PLA2G4A: variants seen among roughly 807,000 people sequenced by gnomAD.
PLA2G4A encodes phospholipase A2 group IVA, also known as cytosolic phospholipase A2.
In PLA2G4A, 40 loss-of-function variants were observed where a neutral mutation model predicts 81.9. The observed-to-expected ratio is 0.49, with a 90% confidence interval of 0.38 to 0.64. The LOEUF (loss-of-function observed/expected upper bound fraction) is 0.64, where lower values mean the gene tolerates loss of function less well. Among genes scored for constraint, PLA2G4A ranks in the 30% least tolerant of loss-of-function variants. The pLI, the probability that PLA2G4A is intolerant of heterozygous loss-of-function variation, is 0.00. For missense variants in PLA2G4A, 715 were observed against 905.1 expected, an observed-to-expected ratio of 0.79 and a Z score of 2.69; for synonymous variants, 302 against 296.9, an observed-to-expected ratio of 1.02 and a Z score of -0.18.
chr1:186,961,045 C>A (rs987028283), intron 14 of PLA2G4A, among the ~76,000 whole-genome samples: 1 of 152,022 alleles, frequency 6.6e-6, no homozygotes, highest in African/African-American at 2.4e-5. Flanking sequence ...TTTTTTGCAA[C>A]ATGGGTGAAC....
At chr1:186,868,331 G>T (rs143666975) in intron 2 of PLA2G4A, among the ~76,000 whole-genome samples, 1 of 152,064 alleles carries the variant, frequency 6.6e-6, no homozygotes, top group African/African-American at 2.4e-5. Context: ...GCCCGCTTCC[G>T]CCTCCCAAAG....
intron 5 of PLA2G4A, among the ~76,000 whole-genome samples, chr1:186,906,140 T>C (rs1654728678): frequency 6.6e-6 from 1 of 152,218 alleles, no homozygotes; most frequent in Admixed American, 6.5e-5. Context: ...CATTTACAAC[T>C]GTGTAGCAAC....
intron 1 of PLA2G4A, among the ~76,000 whole-genome samples, chr1:186,848,853 G>C (rs1016296743): frequency 6.6e-6 from 1 of 152,052 alleles, no homozygotes; most frequent in African/African-American, 2.4e-5. Context: ...TTAATATCAG[G>C]AGAGTCTCTA....
intron 1 of PLA2G4A, among the ~76,000 whole-genome samples, chr1:186,841,014 C>T (rs755715114): frequency 1.1e-4 from 16 of 152,314 alleles, no homozygotes; most frequent in Non-Finnish European, 1.8e-4. Flanking sequence ...ATATTTATAA[C>T]CTGTTAACAG....
intron 8 of PLA2G4A, among the ~76,000 whole-genome samples, chr1:186,937,364 T>G (rs1014659159): frequency 6.6e-6 from 1 of 151,974 alleles, no homozygotes; most frequent in African/African-American, 2.4e-5. Flanking sequence ...CTTTTTTGAT[T>G]TGGATGAATC....
At chr1:186,934,084 A>C (rs142504740) in intron 8 of PLA2G4A, among the ~76,000 whole-genome samples, 10 of 152,222 alleles carry the variant, frequency 6.6e-5, no homozygotes, top group Admixed American at 5.9e-4. Context: ...CCCTTGAAGG[A>C]AAGAGCAGGC....
At chr1:186,850,567 G>T (rs1286124578) in intron 1 of PLA2G4A, among the ~76,000 whole-genome samples, 3 of 152,108 alleles carry the variant, frequency 2.0e-5, no homozygotes, top group Non-Finnish European at 2.9e-5. Flanking sequence ...AGACTAGGTA[G>T]ATAGTAAAGA....
At chr1:186,923,368 TTC>T (rs773244493) in intron 7 of PLA2G4A, among the ~76,000 whole-genome samples, 13 of 152,246 alleles carry the variant, frequency 8.5e-5, no homozygotes, top group Non-Finnish European at 1.6e-4. Context: ...TACAACATTT[TTC>T]TTTTTGTCAC....
chr1:186,870,001 G>A (rs189822192), intron 2 of PLA2G4A, among the ~76,000 whole-genome samples: 78 of 152,318 alleles, frequency 5.1e-4, no homozygotes, highest in African/African-American at 1.8e-3. Context: ...TTTGAAAGCT[G>A]TACTGGAAAT....
At chr1:186,965,338 A>C in intron 14 of PLA2G4A, 71 bp from the exon 15 acceptor site, 4 of 1,206,892 alleles carry the variant, frequency 3.3e-6, no homozygotes, top group Non-Finnish European at 4.8e-6. Flanking sequence ...ATTTGAAACC[A>C]ACATTTTTAG....
At chr1:186,926,994 T>A (rs553284967) in intron 7 of PLA2G4A, among the ~76,000 whole-genome samples, 1 of 152,170 alleles carries the variant, frequency 6.6e-6, no homozygotes, top group Admixed American at 6.5e-5. Flanking sequence ...ATAGTTAAGG[T>A]TTTTTAAAGC....
chr1:186,980,219 G>A (rs1657677195), intron 17 of PLA2G4A, among the ~76,000 whole-genome samples: 1 of 152,168 alleles, frequency 6.6e-6, no homozygotes, highest in Non-Finnish European at 1.5e-5. Flanking sequence ...GATTACAGGC[G>A]TGAGCCACCG....
chr1:186,912,620 T>C (rs1490229761), intron 7 of PLA2G4A, among the ~76,000 whole-genome samples: 1 of 151,618 alleles, frequency 6.6e-6, no homozygotes, highest in Non-Finnish European at 1.5e-5. Flanking sequence ...GTTTCCTCCA[T>C]GTCTTTTCAT....
At chr1:186,840,299 A>G (rs1651933989) in intron 1 of PLA2G4A, among the ~76,000 whole-genome samples, 1 of 152,056 alleles carries the variant, frequency 6.6e-6, no homozygotes, top group Non-Finnish European at 1.5e-5. Flanking sequence ...AAGTGCATAC[A>G]CTCCATTTAC....
intron 1 of PLA2G4A, among the ~76,000 whole-genome samples, chr1:186,836,989 C>A (rs1651800286): frequency 6.6e-6 from 1 of 152,072 alleles, no homozygotes; most frequent in East Asian, 1.9e-4. Flanking sequence ...GTGAGAATGG[C>A]AAGGCTCACG....
intron 2 of PLA2G4A, among the ~76,000 whole-genome samples, chr1:186,858,392 G>C (rs573754815): frequency 1.3e-5 from 2 of 152,116 alleles, no homozygotes; most frequent in Non-Finnish European, 2.9e-5. Context: ...TCTGTTGGCT[G>C]CATAGATGTC....
chr1:186,829,138 A>G (rs896111866), intron 1 of PLA2G4A, 103 bp downstream of exon 1: 1 of 152,246 alleles, frequency 6.6e-6, no homozygotes, highest in African/African-American at 2.4e-5. Context: ...GAAGGAAGAA[A>G]GGACGGAGGG....
chr1:186,977,247 C>T (rs1310377369), intron 15 of PLA2G4A, among the ~76,000 whole-genome samples: 3 of 152,116 alleles, frequency 2.0e-5, no homozygotes, highest in Admixed American at 2.0e-4. Flanking sequence ...CTTTTTTACT[C>T]CTAAGGGTTA....
chr1:186,877,956 T>C (rs1653566599), intron 3 of PLA2G4A, among the ~76,000 whole-genome samples: 1 of 150,512 alleles, frequency 6.6e-6, no homozygotes, highest in East Asian at 1.9e-4. Flanking sequence ...TGAGGTTGCA[T>C]GCACAGGAAA....
Sources: allele counts gnomAD v4.1 joint callset (sites outside exome capture counted in the v4.1 genomes callset), GRCh38; gene constraint gnomAD v4.1.1; transcripts MANE v1.5; gene names NCBI Gene and HGNC (gene_info 2026-07-23, HGNC 2026-07-21).